The following EFHB variants were observed in gnomAD, a reference collection of about 807,000 sequenced individuals.
EFHB encodes the protein EF-hand domain family member B, also known as EF-hand domain-containing family member B.
In EFHB, 91 loss-of-function variants were observed where a neutral mutation model predicts 87.2. That is an observed-to-expected ratio of 1.04 (90% CI 0.88 to 1.24). The LOEUF (loss-of-function observed/expected upper bound fraction) is 1.24, where lower values mean the gene tolerates loss of function less well. Among genes scored for constraint, EFHB ranks in the 50% most tolerant of loss-of-function variants. The pLI, the probability that EFHB is intolerant of heterozygous loss-of-function variation, is 0.00. For missense variants in EFHB, 1,084 were observed against 998.8 expected (o/e 1.09, Z -1.15); for synonymous variants, 325 against 333.6 (o/e 0.97, Z 0.28).
chr3:19,879,656 C>T lies in EFHB; in HGVS notation c.2477G>A (p.Arg826Gln), dbSNP rs151124981. 3.5e-5 allele frequency: 56 copies of T among 1,594,088 alleles called. No individual in the cohort carries two copies. In the East Asian group the frequency reaches 7.4e-4, roughly 21 times the overall value. ...TCACATGAGTGTTTTACACTTGATC[C>T]GGTCTGCATGCCGTAGCTCATCTAG... ...NVLDELRHADRIKCKTLM is the reference protein window; with the variant it reads ...NVLDELRHADQIKCKTLM The change falls in exon 13 of 13, where the codon CGG (arginine) becomes CAG (glutamine). Residue 826 changes from arginine (R) to glutamine (Q), a missense_variant. Coordinates refer to ENST00000295824, the MANE Select transcript of EFHB (RefSeq NM_144715.4).
upstream of EFHB, among the ~76,000 whole-genome samples, chr3:19,938,075 A>G (rs564150098): frequency 2.0e-5 from 3 of 152,290 alleles, no homozygotes; most frequent in African/African-American, 7.2e-5. Context: ...GTTCTTCCCT[A>G]GTTACCTGCC....
At chr3:19,945,216 T>C (rs1382461395) in intron 1 of EFHB, among the ~76,000 whole-genome samples, 2 of 152,058 alleles carry the variant, frequency 1.3e-5, no homozygotes, top group Admixed American at 6.6e-5. Context: ...ATACGTGTGA[T>C]CAGGGAACAA....
intron 1 of EFHB, 26 bp downstream of exon 1, chr3:19,933,204 C>T: frequency 6.3e-7 from 1 of 1,594,620 alleles, no homozygotes; most frequent in Non-Finnish European, 8.6e-7. Flanking sequence ...CAGTTTAGTT[C>T]CTATGGAAAG....
chr3:19,929,706 C>G (rs1422252646), intron 1 of EFHB, among the ~76,000 whole-genome samples: 1 of 46,780 alleles, frequency 2.1e-5, no homozygotes, highest in Non-Finnish European at 4.0e-5. Flanking sequence ...GAGACTCCAT[C>G]TCAAAAAAAA....
At chr3:19,936,890 A>AATAC (rs1310562829), upstream of EFHB, among the ~76,000 whole-genome samples, 2 of 143,932 alleles carry the variant, frequency 1.4e-5, no homozygotes, top group African/African-American at 5.6e-5. Context: ...TAAATAAATA[A>AATAC]ATAAATAAAT....
intron 12 of EFHB, 85 bp downstream of exon 12, chr3:19,882,465 T>C: frequency 8.0e-7 from 1 of 1,255,624 alleles, no homozygotes. Context: ...CTTTTGTAAA[T>C]ATAAAAATTC....
chr3:19,893,481 G>A (rs1694373616), intron 9 of EFHB, among the ~76,000 whole-genome samples: 1 of 152,184 alleles, frequency 6.6e-6, no homozygotes, highest in Admixed American at 6.5e-5. Context: ...CTTGGAGAGA[G>A]AACACTTTAG....
intron 5 of EFHB, among the ~76,000 whole-genome samples, chr3:19,909,211 C>A (rs917313861): frequency 6.6e-6 from 1 of 151,624 alleles, no homozygotes; most frequent in Non-Finnish European, 1.5e-5. Context: ...CCCTCCCCAA[C>A]CCCGGCAGCA....
intron 6 of EFHB, among the ~76,000 whole-genome samples, chr3:19,902,654 T>C (rs975454301): frequency 1.3e-5 from 2 of 151,806 alleles, no homozygotes; most frequent in Non-Finnish European, 2.9e-5. Flanking sequence ...GCCCAGCCAA[T>C]AGAGATCCTC....
At chr3:19,896,285 C>T (rs1430350561) in intron 9 of EFHB, among the ~76,000 whole-genome samples, 1 of 152,142 alleles carries the variant, frequency 6.6e-6, no homozygotes, top group African/African-American at 2.4e-5. Context: ...CCCCAGAGTT[C>T]CTGACTCAGT....
At chr3:19,895,530 G>A (rs1346453125) in intron 9 of EFHB, among the ~76,000 whole-genome samples, 2 of 151,064 alleles carry the variant, frequency 1.3e-5, no homozygotes, top group Non-Finnish European at 2.9e-5. Context: ...ATAATCAACA[G>A]CTATTAAGAT....
chr3:19,914,465 G>A (rs1173798909), intron 5 of EFHB, among the ~76,000 whole-genome samples: 2 of 151,972 alleles, frequency 1.3e-5, no homozygotes, highest in Admixed American at 6.6e-5. Flanking sequence ...AACATCTAAT[G>A]CCTTTTTAAT....
In EFHB at chr3:19,919,967, G is replaced by A; in HGVS notation, c.862C>T (p.Pro288Ser). ...TTGAAATACTTTTTTGCTTCAGGTG[G>A]AGTAATTAGCTACAAAGAGTGAGGC... Reference protein sequence around the residue: ...LTEKLPRLITPPEAKKYFNFR... With the variant: ...LTEKLPRLITSPEAKKYFNFR... Residue 288 changes from proline (P) to serine (S), a missense_variant, in exon 3 of 13, where the codon CCA becomes TCA. Pro to Ser is a moderately conservative substitution (Grantham distance 74, BLOSUM62 -1). Transcript: ENST00000295824. 6.2e-7 allele frequency: 1 copy of A among 1,613,530 alleles called. No homozygotes were observed. The highest frequency in any genetic ancestry group is 1.1e-5 in the South Asian group (1 of 91,058).
chr3:19,933,303 C>T lies in EFHB; in HGVS notation c.716G>A (p.Gly239Glu), dbSNP rs893559310. 6.2e-7 allele frequency: 1 copy of T among 1,613,998 alleles called. No homozygotes were observed. The highest frequency in any genetic ancestry group is 1.7e-5 in the Admixed American group (1 of 60,020). The change falls in exon 1 of 13, where the codon GGA (glycine) becomes GAA (glutamate). Residue 239 changes from glycine (G) to glutamate (E), a missense_variant. Physicochemically the swap from Gly to Glu is moderately conservative, Grantham distance 98. Coordinates refer to ENST00000295824, the MANE Select transcript of EFHB (RefSeq NM_144715.4). Reference protein sequence around the residue: ...QRKEAGNIESGVEPPDRIRPI... With the variant: ...QRKEAGNIESEVEPPDRIRPI... ...TCTGATGCGATCTGGAGGTTCCACTCCTGATTCAATGTTTCCAGCCTCCTT... is the reference window on the plus strand; with the variant it reads ...TCTGATGCGATCTGGAGGTTCCACTTCTGATTCAATGTTTCCAGCCTCCTT...
At chr3:19,908,125 A>G (rs1261179750) in intron 5 of EFHB, among the ~76,000 whole-genome samples, 1 of 152,264 alleles carries the variant, frequency 6.6e-6, no homozygotes, top group African/African-American at 2.4e-5. Flanking sequence ...ACATGAAAAG[A>G]CATTCCAAAA....
chr3:19,946,616 T>C (rs79815494), intron 1 of EFHB, among the ~76,000 whole-genome samples: 3,670 of 152,158 alleles, frequency 0.024, 42 homozygotes, highest in Non-Finnish European at 0.03. Flanking sequence ...CTCCTTGGGG[T>C]AAATGCGATT....
chr3:19,881,793 T>C (rs1350112890), intron 12 of EFHB, among the ~76,000 whole-genome samples: 1 of 152,128 alleles, frequency 6.6e-6, no homozygotes, highest in Non-Finnish European at 1.5e-5. Context: ...TTATCATTTC[T>C]AGCTCCAGCT....
chr3:19,895,177 A>G (rs1694438103), intron 9 of EFHB, among the ~76,000 whole-genome samples: 1 of 150,556 alleles, frequency 6.6e-6, no homozygotes, highest in South Asian at 2.1e-4. Flanking sequence ...TCCCTGCTTA[A>G]TTTATCATAA....
At chr3:19,925,613 G>A (rs1189700648) in intron 1 of EFHB, among the ~76,000 whole-genome samples, 4 of 151,996 alleles carry the variant, frequency 2.6e-5, no homozygotes, top group African/African-American at 4.8e-5. Flanking sequence ...TCTTTGCTCG[G>A]TCCCTAACAA....
Sources: gnomAD v4.1 joint callset for allele counts (sites outside exome capture counted in the v4.1 genomes callset) on GRCh38, gnomAD v4.1.1 for gene constraint, MANE v1.5 for transcripts, NCBI Gene and HGNC (gene_info 2026-07-23, HGNC 2026-07-21) for gene names.